The following ZNF804A variants were observed in gnomAD, a reference collection of about 807,000 sequenced individuals.
ZNF804A encodes the protein zinc finger protein 804A.
A neutral mutation model predicts 16.5 loss-of-function variants in ZNF804A; 2 were observed. That is an observed-to-expected ratio of 0.12 (90% confidence interval 0.05 to 0.38). The LOEUF (loss-of-function observed/expected upper bound fraction) is 0.38. ZNF804A is among the 10% of genes least tolerant of loss of function. The pLI is 0.99. For synonymous variants in ZNF804A, 534 were observed against 489.6 expected (o/e 1.09, Z -1.20); for missense variants, 1,473 against 1,390.7 (o/e 1.06, Z -0.94).
intron 1 of ZNF804A, among the ~76,000 whole-genome samples, chr2:184,684,541 GA>G (rs1448209626): frequency 8.6e-5 from 13 of 152,028 alleles, no homozygotes; most frequent in Non-Finnish European, 2.9e-5. Flanking sequence ...GCATGCTGAA[GA>G]ATCATTTTTT....
At chr2:184,774,042 GTTA>G (rs1694254425) in intron 1 of ZNF804A, among the ~76,000 whole-genome samples, 1 of 151,786 alleles carries the variant, frequency 6.6e-6, no homozygotes, top group African/African-American at 2.4e-5. Flanking sequence ...GTCCTCCACA[GTTA>G]TTTATTCAAA....
chr2:184,604,626 A>C (rs577123449), intron 1 of ZNF804A, among the ~76,000 whole-genome samples: 1 of 152,278 alleles, frequency 6.6e-6, no homozygotes, highest in South Asian at 2.1e-4. Flanking sequence ...TGAAGTTGGA[A>C]GAAGACACTT....
intron 1 of ZNF804A, among the ~76,000 whole-genome samples, chr2:184,630,100 T>A (rs925039667): frequency 6.6e-6 from 1 of 152,180 alleles, no homozygotes; most frequent in Non-Finnish European, 1.5e-5. Context: ...GTCATTTCAG[T>A]CTCTCACTTT....
chr2:184,739,731 A>G (rs1408706785), intron 1 of ZNF804A, among the ~76,000 whole-genome samples: 1 of 152,142 alleles, frequency 6.6e-6, no homozygotes, highest in East Asian at 1.9e-4. Flanking sequence ...AAATACAGAT[A>G]TACAATAGCT....
intron 1 of ZNF804A, among the ~76,000 whole-genome samples, chr2:184,649,301 T>C (rs1691941995): frequency 6.6e-6 from 1 of 152,142 alleles, no homozygotes; most frequent in South Asian, 2.1e-4. Context: ...GGAAAGTTTA[T>C]AGCACTTAAT....
At chr2:184,804,606 T>G (rs1694775404) in intron 1 of ZNF804A, among the ~76,000 whole-genome samples, 1 of 152,156 alleles carries the variant, frequency 6.6e-6, no homozygotes, top group Admixed American at 6.6e-5. Flanking sequence ...GAGCAGAAAC[T>G]AGATAATGCA....
At chr2:184,613,743 C>T (rs1034847812) in intron 1 of ZNF804A, among the ~76,000 whole-genome samples, 1 of 152,074 alleles carries the variant, frequency 6.6e-6, no homozygotes, top group East Asian at 1.9e-4. Context: ...TGAAGGACCT[C>T]TTCAAGGAGA....
chr2:184,657,492 C>T (rs1343912308), intron 1 of ZNF804A, among the ~76,000 whole-genome samples: 1 of 152,120 alleles, frequency 6.6e-6, no homozygotes, highest in African/African-American at 2.4e-5. Flanking sequence ...TTTTTTGACG[C>T]TCAGGCTTAT....
chr2:184,794,646 A>G (rs1420921274), intron 1 of ZNF804A, among the ~76,000 whole-genome samples: 2 of 152,134 alleles, frequency 1.3e-5, no homozygotes, highest in East Asian at 3.9e-4. Context: ...ATGTAATGGT[A>G]CCTCACATTT....
chr2:184,782,720 G>T (rs1694390181), intron 1 of ZNF804A, among the ~76,000 whole-genome samples: 1 of 145,468 alleles, frequency 6.9e-6, no homozygotes. Context: ...TATCCTCTTA[G>T]TTTTGTCCTT....
chr2:184,872,609 C>T (rs914038519), intron 2 of ZNF804A, among the ~76,000 whole-genome samples: 1 of 152,020 alleles, frequency 6.6e-6, no homozygotes, highest in Non-Finnish European at 1.5e-5. Context: ...TTTTAAAATG[C>T]ATTAAATGGA....
At chr2:184,693,304 A>C (rs1692763840) in intron 1 of ZNF804A, among the ~76,000 whole-genome samples, 1 of 152,168 alleles carries the variant, frequency 6.6e-6, no homozygotes, top group African/African-American at 2.4e-5. Context: ...GTATTTAAAA[A>C]CCATATATGG....
chr2:184,792,315 C>T (rs1023073444), intron 1 of ZNF804A, among the ~76,000 whole-genome samples: 4 of 152,102 alleles, frequency 2.6e-5, no homozygotes, highest in African/African-American at 4.8e-5. Flanking sequence ...TGCCCAACAT[C>T]GTTGTAAGAA....
At chr2:184,918,026 T>C (rs1052365777) in intron 2 of ZNF804A, among the ~76,000 whole-genome samples, 1 of 152,134 alleles carries the variant, frequency 6.6e-6, no homozygotes, top group East Asian at 1.9e-4. Flanking sequence ...TTGTCCATTA[T>C]TAGTCATGCC....
chr2:184,704,424 T>C (rs2105733094), intron 1 of ZNF804A, among the ~76,000 whole-genome samples: 2 of 152,278 alleles, frequency 1.3e-5, no homozygotes, highest in Admixed American at 1.3e-4. Flanking sequence ...AGTCCTGGGA[T>C]TACTTCTTAA....
intron 1 of ZNF804A, among the ~76,000 whole-genome samples, chr2:184,669,368 G>T (rs544551257): frequency 6.6e-6 from 1 of 152,114 alleles, no homozygotes; most frequent in South Asian, 2.1e-4. Context: ...GGTTCTGAAA[G>T]AACAGACACA....
At chr2:184,605,431 A>C (rs775869827) in intron 1 of ZNF804A, among the ~76,000 whole-genome samples, 1 of 152,132 alleles carries the variant, frequency 6.6e-6, no homozygotes. Context: ...ATGTTACAAT[A>C]CATAGTAGGA....
At chr2:184,747,402 A>G (rs1333527749) in intron 1 of ZNF804A, among the ~76,000 whole-genome samples, 6 of 150,320 alleles carry the variant, frequency 4.0e-5, no homozygotes, top group Non-Finnish European at 8.9e-5. Flanking sequence ...AATAGAATAA[A>G]TGTATTTTGC....
intron 1 of ZNF804A, among the ~76,000 whole-genome samples, chr2:184,843,486 C>T (rs1336011612): frequency 6.6e-6 from 1 of 151,924 alleles, no homozygotes; most frequent in African/African-American, 2.4e-5. Context: ...GTTGGCCAGG[C>T]TGGTCTCAAA....
Sources: gnomAD v4.1 joint callset for allele counts (sites outside exome capture counted in the v4.1 genomes callset) on GRCh38, gnomAD v4.1.1 for gene constraint, MANE v1.5 for transcripts, NCBI Gene and HGNC (gene_info 2026-07-23, HGNC 2026-07-21) for gene names.